The following AHCTF1 variants were observed in gnomAD, a reference collection of about 807,000 sequenced individuals.
The protein encoded by AHCTF1 is protein ELYS.
AHCTF1 carries 24 observed loss-of-function variants against 248.4 expected under a neutral mutation model. That is an observed-to-expected ratio of 0.10 (90% CI 0.07 to 0.14). AHCTF1 has a LOEUF of 0.14. Ranked by LOEUF, AHCTF1 falls within the 10% of genes least tolerant of loss-of-function variation. The pLI, the probability that AHCTF1 is intolerant of heterozygous loss-of-function variation, is 1.00. For synonymous variants in AHCTF1, 786 were observed against 929.8 expected, an observed-to-expected ratio of 0.85 and a Z score of 2.81; for missense variants, 2,206 against 2,636.2, an observed-to-expected ratio of 0.84 and a Z score of 3.57.
At chr1:246,892,018 TTATTC>T in intron 14 of AHCTF1, 99 bp from the exon 15 acceptor site, 2 of 1,260,150 alleles carry the variant, frequency 1.6e-6, no homozygotes, top group Non-Finnish European at 2.2e-6. Context: ...CTCAAAAGAA[TTATTC>T]TATTCATTAT....
intron 4 of AHCTF1, among the ~76,000 whole-genome samples, chr1:246,911,022 T>C (rs1432398171): frequency 6.6e-6 from 1 of 152,226 alleles, no homozygotes; most frequent in Non-Finnish European, 1.5e-5. Flanking sequence ...ATCAATAAAA[T>C]TTATTTTGCA....
intron 33 of AHCTF1, among the ~76,000 whole-genome samples, chr1:246,844,829 G>A (rs529098780): frequency 1.3e-5 from 2 of 149,354 alleles, no homozygotes; most frequent in African/African-American, 2.5e-5. Flanking sequence ...TTTAACTATA[G>A]GGCCCCCATA....
At chr1:246,869,138 C>T (rs1779979) in intron 24 of AHCTF1, among the ~76,000 whole-genome samples, 82,619 of 151,584 alleles carry the variant, frequency 0.55, 24,513 homozygotes, top group African/African-American at 0.79. Flanking sequence ...CCACCACGCC[C>T]GGCCGTGTGT....
chr1:246,890,094 T>C, intron 16 of AHCTF1, 35 bp from the exon 17 acceptor site: 2 of 1,428,032 alleles, frequency 1.4e-6, no homozygotes, highest in Non-Finnish European at 2.0e-6. Context: ...AAGCTGGTAA[T>C]AATCCCCAAA....
chr1:246,909,162 A>AG (rs1665616739), intron 4 of AHCTF1, among the ~76,000 whole-genome samples: 1 of 150,000 alleles, frequency 6.7e-6, no homozygotes, highest in African/African-American at 2.4e-5. Flanking sequence ...CTGTAATCCC[A>AG]GCACTTTGGG....
Position 246,930,437 on chromosome 1 carries a change from C to A in AHCTF1, c.-8+1141G>T, listed in dbSNP as rs915910380. ...CAGTACAGAGACAACGTAGACTTCC[C>A]ATAGCGCTTGGCACACTTAAAACAT... On this transcript the variant is annotated intron_variant, in intron 1 of 35. Coordinates refer to ENST00000648844, the MANE Select transcript of AHCTF1 (RefSeq NM_001323342.2). 4.6e-5 allele frequency among the ~76,000 whole-genome samples: 7 copies of A among 152,144 alleles called. No individual in the cohort carries two copies. In the East Asian group the frequency reaches 1.3e-3, roughly 29 times the overall value.
intron 16 of AHCTF1, 76 bp downstream of exon 16, chr1:246,890,880 C>G (rs946904264): frequency 2.9e-5 from 27 of 942,308 alleles, no homozygotes; most frequent in Admixed American, 7.1e-5. Flanking sequence ...AAACCCAAAG[C>G]ATTAGAATAC....
chr1:246,876,503 G>C (rs900600237), intron 23 of AHCTF1, among the ~76,000 whole-genome samples: 1 of 152,122 alleles, frequency 6.6e-6, no homozygotes, highest in Non-Finnish European at 1.5e-5. Flanking sequence ...ACCTCACAAG[G>C]AGATTTTATC....
intron 2 of AHCTF1, among the ~76,000 whole-genome samples, chr1:246,916,776 TA>T (rs1041211647): frequency 6.6e-6 from 1 of 152,216 alleles, no homozygotes; most frequent in African/African-American, 2.4e-5. Context: ...GAATACTGTT[TA>T]ACCTTCCCAA....
rs1659662407 is a variant in AHCTF1 at position 246,839,196 on chromosome 1, A to C, written c.*1610T>G. On this transcript the variant is annotated 3_prime_UTR_variant, in exon 36 of 36. Coordinates refer to ENST00000648844, the MANE Select transcript of AHCTF1 (RefSeq NM_001323342.2). ...TATGTAAAGTTCATTTAGAACAGGC[A>C]ATTTGTTTGCTTATGATCTACATTC... 6.6e-6 allele frequency: 1 copy of C among 152,212 alleles called. No individual in the cohort carries two copies. Among genetic ancestry groups the C allele is most frequent in the East Asian group, 1.9e-4 (1 of 5,200 alleles). 9.4% of individuals were successfully genotyped at this position (152,212 alleles called of 1,614,324 possible). A position where few individuals can be genotyped will look rare whatever the true frequency, so the allele number is the denominator to read the frequency against.
At chr1:246,893,960 T>C (rs1277359740) in intron 14 of AHCTF1, among the ~76,000 whole-genome samples, 2 of 152,136 alleles carry the variant, frequency 1.3e-5, no homozygotes, top group African/African-American at 4.8e-5. Context: ...TACCAACACT[T>C]TGGAAGGCCC....
At chr1:246,872,258 G>A (rs1486514029) in intron 24 of AHCTF1, among the ~76,000 whole-genome samples, 1 of 152,056 alleles carries the variant, frequency 6.6e-6, no homozygotes, top group East Asian at 1.9e-4. Context: ...ACTCAGATCG[G>A]GCTCCCTTGT....
intron 4 of AHCTF1, among the ~76,000 whole-genome samples, chr1:246,910,046 CTA>C (rs1434123368): frequency 6.6e-6 from 1 of 152,218 alleles, no homozygotes; most frequent in African/African-American, 2.4e-5. Flanking sequence ...CTACTAGACA[CTA>C]TGTGTCTCCT....
chr1:246,928,301 TCA>T (rs1491390478), intron 1 of AHCTF1, among the ~76,000 whole-genome samples: 3 of 70,376 alleles, frequency 4.3e-5, no homozygotes, highest in Non-Finnish European at 7.3e-5. Flanking sequence ...AGACTCCGTC[TCA>T]AAAAAAAAAA....
chr1:246,846,972 T>C (rs575429415), intron 33 of AHCTF1, among the ~76,000 whole-genome samples: 2 of 152,002 alleles, frequency 1.3e-5, no homozygotes, highest in Admixed American at 1.3e-4. Context: ...CCCAGGCTGG[T>C]TGGATTTTGA....
chr1:246,882,004 G>GTT (rs1282915367), intron 21 of AHCTF1, among the ~76,000 whole-genome samples: 1 of 128,556 alleles, frequency 7.8e-6, no homozygotes, highest in African/African-American at 2.9e-5. Flanking sequence ...TTTTTTTTTT[G>GTT]TTTTTTTTTT....
chr1:246,877,615 C>T (rs570344092), intron 21 of AHCTF1, among the ~76,000 whole-genome samples: 1 of 152,216 alleles, frequency 6.6e-6, no homozygotes, highest in East Asian at 1.9e-4. Flanking sequence ...TGTGGTGTGA[C>T]AGAGGAACAT....
In AHCTF1 at chr1:246,902,368, G is replaced by A. The variant is rs113198494; in HGVS notation, c.1117+157C>T. The stretch of plus-strand genomic sequence containing the variant: ...TTAGTTATACATAGCAATCTGGAGA[G>A]CAAGAAATATCTAGTATCTCATATA... On this transcript the variant is annotated intron_variant, in intron 8 of 35. Coordinates refer to ENST00000648844, the MANE Select transcript of AHCTF1 (RefSeq NM_001323342.2). Among the ~76,000 whole-genome samples the A allele has an allele frequency of 1.6e-3, 240 of 152,280 alleles. 1 individual carries two copies. Among genetic ancestry groups the A allele is most frequent in the African/African-American group, 5.5e-3 (228 of 41,560 alleles).
At chr1:246,909,366 G>A (rs1032834916) in intron 4 of AHCTF1, among the ~76,000 whole-genome samples, 4 of 132,200 alleles carry the variant, frequency 3.0e-5, no homozygotes, top group East Asian at 2.2e-4. Context: ...GCAGTGAGCC[G>A]AGATTGCGCC....
Sources: gnomAD v4.1 joint callset for allele counts (sites outside exome capture counted in the v4.1 genomes callset) on GRCh38, gnomAD v4.1.1 for gene constraint, MANE v1.5 for transcripts, NCBI Gene and HGNC (gene_info 2026-07-23, HGNC 2026-07-21) for gene names.